TCF12: variants seen among roughly 807,000 people sequenced by gnomAD.
TCF12 encodes transcription factor 12.
In TCF12, 45 loss-of-function variants were observed where a neutral mutation model predicts 86.0. The ratio of observed to expected loss-of-function variants is 0.52; its 90% CI spans 0.41 to 0.67. TCF12 has a LOEUF of 0.67. TCF12 is among the 30% of genes least tolerant of loss of function. The pLI, the probability that TCF12 is intolerant of heterozygous loss-of-function variation, is 0.00. For synonymous variants in TCF12, 330 were observed against 299.6 expected (o/e 1.10, Z -1.05); for missense variants, 881 against 859.9 (o/e 1.02, Z -0.31).
intron 8 of TCF12, among the ~76,000 whole-genome samples, chr15:57,208,991 C>G (rs1221175714): frequency 6.6e-6 from 1 of 152,230 alleles, no homozygotes; most frequent in African/African-American, 2.4e-5. Flanking sequence ...GCTGGGATTA[C>G]AGGTGTGAGT....
intron 4 of TCF12, chr15:57,072,758 T>C (rs1340461295): frequency 1.7e-5 from 21 of 1,211,820 alleles, no homozygotes; most frequent in Non-Finnish European, 2.1e-5. Flanking sequence ...CATTAATCTC[T>C]GTTTTGTTAT....
At chr15:56,940,380 A>G (rs563821401) in intron 3 of TCF12, among the ~76,000 whole-genome samples, 26 of 152,178 alleles carry the variant, frequency 1.7e-4, no homozygotes, top group Admixed American at 5.2e-4. Context: ...ATTGTAGGAA[A>G]TATGTTGTCT....
chr15:57,155,574 G>A (rs1362445858), intron 5 of TCF12, among the ~76,000 whole-genome samples: 2 of 152,112 alleles, frequency 1.3e-5, no homozygotes, highest in Non-Finnish European at 2.9e-5. Flanking sequence ...GTGGGAGGCT[G>A]ACTTGAGGCC....
chr15:57,051,481 C>T (rs1433208661), intron 3 of TCF12, among the ~76,000 whole-genome samples: 1 of 151,978 alleles, frequency 6.6e-6, no homozygotes, highest in Non-Finnish European at 1.5e-5. Flanking sequence ...CCTTTTCTGC[C>T]TCCTCTCCTT....
rs115054540 is a variant in TCF12 at position 56,990,296 on chromosome 15, C to T, written c.148+69198C>T. Among the ~76,000 whole-genome samples the T allele has an allele frequency of 7.3e-3, 1,104 of 151,088 alleles. 15 individuals are homozygous for T. Among genetic ancestry groups the T allele is most frequent in the African/African-American group, 0.026 (1,054 of 41,168 alleles). ...GTGAAAGAAAATGTGTTTTAGGCAGCATCAGTAGAGCAAAATAAGATTTAA... is the reference window on the plus strand; with the variant it reads ...GTGAAAGAAAATGTGTTTTAGGCAGTATCAGTAGAGCAAAATAAGATTTAA... On this transcript the variant is annotated intron_variant, in intron 3 of 20. Coordinates refer to ENST00000333725, the MANE Select transcript of TCF12 (RefSeq NM_207037.2).
At chr15:57,113,251 G>C (rs952078410) in intron 5 of TCF12, among the ~76,000 whole-genome samples, 3 of 152,128 alleles carry the variant, frequency 2.0e-5, no homozygotes, top group Admixed American at 6.6e-5. Flanking sequence ...TATCCGTCAA[G>C]GATTAGCTTA....
intron 5 of TCF12, among the ~76,000 whole-genome samples, chr15:57,134,059 T>C (rs1418130184): frequency 6.6e-6 from 1 of 152,254 alleles, no homozygotes; most frequent in Non-Finnish European, 1.5e-5. Flanking sequence ...GTTTATTTAT[T>C]GAAAACTACT....
At chr15:57,086,705 TAAAAA>T (rs34069853) in intron 4 of TCF12, among the ~76,000 whole-genome samples, 4 of 105,616 alleles carry the variant, frequency 3.8e-5, no homozygotes, top group Admixed American at 2.0e-4. Context: ...TCCCTCCCTT[TAAAAA>T]AAAAAAAAAA....
chr15:57,000,561 G>C (rs1239418651), intron 3 of TCF12, among the ~76,000 whole-genome samples: 1 of 152,108 alleles, frequency 6.6e-6, no homozygotes, highest in East Asian at 1.9e-4. Context: ...AATCATCTGA[G>C]CTTCCACCTT....
At chr15:57,265,969 G>A (rs2060845472) in intron 18 of TCF12, among the ~76,000 whole-genome samples, 1 of 152,046 alleles carries the variant, frequency 6.6e-6, no homozygotes. Context: ...GAAATGTTAT[G>A]GGCTCATAAC....
At chr15:57,214,643 A>G (rs2058258975) in intron 8 of TCF12, among the ~76,000 whole-genome samples, 1 of 152,200 alleles carries the variant, frequency 6.6e-6, no homozygotes, top group African/African-American at 2.4e-5. Flanking sequence ...GAATTTTAGC[A>G]TGTGTCTTTA....
intron 3 of TCF12, among the ~76,000 whole-genome samples, chr15:56,987,385 G>T (rs1415573092): frequency 2.0e-5 from 3 of 152,170 alleles, no homozygotes; most frequent in Non-Finnish European, 4.4e-5. Context: ...AAAGTGCAGG[G>T]ATTACAGGCT....
At chr15:57,037,596 A>G in intron 3 of TCF12, among the ~76,000 whole-genome samples, 1 of 152,198 alleles carries the variant, frequency 6.6e-6, no homozygotes, top group Non-Finnish European at 1.5e-5. Flanking sequence ...TCTTGGTAGC[A>G]ATTTTGACTG....
chr15:57,026,927 G>A (rs1046726597), intron 3 of TCF12, among the ~76,000 whole-genome samples: 1 of 152,054 alleles, frequency 6.6e-6, no homozygotes, highest in South Asian at 2.1e-4. Flanking sequence ...CTAATACCAT[G>A]TAGATGCTAT....
At chr15:57,119,669 T>C (rs1677135955) in intron 5 of TCF12, among the ~76,000 whole-genome samples, 1 of 152,010 alleles carries the variant, frequency 6.6e-6, no homozygotes, top group Admixed American at 6.6e-5. Flanking sequence ...ACTGTATACT[T>C]TGGATTTTAG....
At chr15:57,072,021 G>T (rs1200886787) in intron 4 of TCF12, among the ~76,000 whole-genome samples, 2 of 152,154 alleles carry the variant, frequency 1.3e-5, no homozygotes, top group Non-Finnish European at 2.9e-5. Context: ...ATTAAAAATA[G>T]ATTTTATACA....
intron 3 of TCF12, among the ~76,000 whole-genome samples, chr15:57,038,160 G>A (rs1349309470): frequency 2.0e-5 from 3 of 152,116 alleles, no homozygotes; most frequent in Non-Finnish European, 4.4e-5. Context: ...AAAGTGTGGG[G>A]CAGGCGTGGC....
intron 3 of TCF12, among the ~76,000 whole-genome samples, chr15:56,941,732 G>C (rs1218506957): frequency 1.3e-5 from 2 of 150,942 alleles, no homozygotes; most frequent in Non-Finnish European, 2.9e-5. Flanking sequence ...CTGATATGGA[G>C]AGACCTGTTA....
Position 57,078,784 on chromosome 15 carries a change from T to C in TCF12, c.223-13005T>C, listed in dbSNP as rs183475043. 2.4e-3 allele frequency among the ~76,000 whole-genome samples: 358 copies of C among 152,310 alleles called. 8 individuals are homozygous for C. Among genetic ancestry groups the C allele is most frequent in the Non-Finnish European group, 3.2e-4 (22 of 68,020 alleles). ...ACCTGGCATTTAGGATATAGATTGA[T>C]AGTATGCATTACAAATATTAGAACT... On this transcript the variant is annotated intron_variant, in intron 4 of 20. Transcript: ENST00000333725.
Sources: gnomAD v4.1 joint callset for allele counts (sites outside exome capture counted in the v4.1 genomes callset) on GRCh38, gnomAD v4.1.1 for gene constraint, MANE v1.5 for transcripts, NCBI Gene and HGNC (gene_info 2026-07-23, HGNC 2026-07-21) for gene names.